NAALADL2: variants seen among roughly 807,000 people sequenced by gnomAD.
The protein encoded by NAALADL2 is inactive N-acetylated-alpha-linked acidic dipeptidase-like protein 2.
A neutral mutation model predicts 87.2 loss-of-function variants in NAALADL2; 76 were observed. The observed-to-expected ratio is 0.87, with a 90% CI of 0.72 to 1.05. The LOEUF (loss-of-function observed/expected upper bound fraction) is 1.05. Among genes scored for constraint, NAALADL2 ranks in the 50% least tolerant of loss-of-function variants. NAALADL2 has a pLI of 0.00. For synonymous variants in NAALADL2, 354 were observed against 331.0 expected, an observed-to-expected ratio of 1.07 and a Z score of -0.75; for missense variants, 1,089 against 945.8, an observed-to-expected ratio of 1.15 and a Z score of -1.99.
At chr3:175,732,668 G>A (rs895932269) in intron 11 of NAALADL2, among the ~76,000 whole-genome samples, 2 of 152,102 alleles carry the variant, frequency 1.3e-5, no homozygotes, top group Non-Finnish European at 2.9e-5. Flanking sequence ...TGCGGGGTAA[G>A]CAAGGGCAGG....
chr3:175,447,357 G>A lies in NAALADL2; in HGVS notation c.1219G>A (p.Glu407Lys). The change falls in exon 6 of 14, where the codon GAG (glutamate) becomes AAG (lysine). Residue 407 changes from glutamate to lysine, a missense_variant. Glu to Lys is a moderately conservative substitution (Grantham distance 56). Transcript: ENST00000454872. ...RTKNEACSSL[E>K]LPNNEIRVVS... Reference sequence around the variant, plus strand: ...CAAAAATGAAGCGTGTAGCTCTCTAGAGCTTCCAAATAATGGTAAAGTATT... The same window carrying A: ...CAAAAATGAAGCGTGTAGCTCTCTAAAGCTTCCAAATAATGGTAAAGTATT... The A allele has an allele frequency of 1.9e-6, 3 of 1,573,168 alleles. No individual in the cohort carries two copies. The highest frequency in any genetic ancestry group is 1.7e-6 in the Non-Finnish European group (2 of 1,162,372).
At chr3:175,442,873 C>T (rs1225484702) in intron 5 of NAALADL2, among the ~76,000 whole-genome samples, 1 of 152,200 alleles carries the variant, frequency 6.6e-6, no homozygotes, top group African/African-American at 2.4e-5. Flanking sequence ...TGTAGTGTCG[C>T]AGTCTTTTTT....
At chr3:175,393,198 C>G (rs562837023) in intron 5 of NAALADL2, among the ~76,000 whole-genome samples, 1 of 138,808 alleles carries the variant, frequency 7.2e-6, no homozygotes, top group Non-Finnish European at 1.5e-5. Context: ...GGCGTGAACC[C>G]GGGAAGCGGA....
chr3:175,328,646 A>G (rs955773446), intron 5 of NAALADL2, among the ~76,000 whole-genome samples: 33 of 152,276 alleles, frequency 2.2e-4, no homozygotes, highest in African/African-American at 7.7e-4. Context: ...CAAAAAATCA[A>G]TTCTCAATCT....
chr3:174,551,591 G>A (rs190589256), intron 2 of NAALADL2, among the ~76,000 whole-genome samples: 1 of 152,262 alleles, frequency 6.6e-6, no homozygotes, highest in Non-Finnish European at 1.5e-5. Context: ...GGCTAAGAGA[G>A]CACATGCTAC....
At chr3:174,907,384 G>C (rs1049725749) in intron 1 of NAALADL2, among the ~76,000 whole-genome samples, 5 of 152,012 alleles carry the variant, frequency 3.3e-5, no homozygotes, top group African/African-American at 1.2e-4. Context: ...AAATTTACTG[G>C]GTGGTTGAAG....
chr3:175,112,530 T>C (rs1724372066), intron 2 of NAALADL2: 1 of 151,688 alleles, frequency 6.6e-6, no homozygotes, highest in Non-Finnish European at 1.5e-5. Flanking sequence ...TGACATTAGC[T>C]AGATAGTTCC....
intron 2 of NAALADL2, among the ~76,000 whole-genome samples, chr3:175,107,092 T>G (rs773346450): frequency 6.6e-6 from 1 of 152,176 alleles, no homozygotes; most frequent in Non-Finnish European, 1.5e-5. Context: ...GTAATTTTAT[T>G]TTTGCAAATT....
At chr3:175,777,338 C>G (rs1750380743) in intron 13 of NAALADL2, among the ~76,000 whole-genome samples, 1 of 151,954 alleles carries the variant, frequency 6.6e-6, no homozygotes, top group Admixed American at 6.6e-5. Flanking sequence ...AAGCTAACCT[C>G]TCTGTGCCCC....
chr3:175,770,622 A>G (rs1430629492), intron 13 of NAALADL2, among the ~76,000 whole-genome samples: 1 of 152,170 alleles, frequency 6.6e-6, no homozygotes, highest in Non-Finnish European at 1.5e-5. Context: ...ATATTTCTGG[A>G]AGGGATAGCC....
intron 11 of NAALADL2, among the ~76,000 whole-genome samples, chr3:175,702,208 G>A (rs565053530): frequency 1.3e-5 from 2 of 152,170 alleles, no homozygotes; most frequent in East Asian, 3.9e-4. Context: ...ATAGAGGTCT[G>A]GAGCCAAAGA....
chr3:174,777,198 A>G (rs1715317607), intron 3 of NAALADL2, among the ~76,000 whole-genome samples: 1 of 152,118 alleles, frequency 6.6e-6, no homozygotes, highest in South Asian at 2.1e-4. Flanking sequence ...TAAAATATAC[A>G]TTAAATCAGC....
chr3:174,620,430 TTTTTG>T (rs1162893572), intron 2 of NAALADL2, among the ~76,000 whole-genome samples: 3 of 66,746 alleles, frequency 4.5e-5, no homozygotes, highest in Non-Finnish European at 1.5e-4. Context: ...TTATGTGTGT[TTTTTG>T]TTTTGTTTTG....
chr3:175,803,278 C>T lies in NAALADL2; in HGVS notation c.*75C>T. ...GCTCTAATTTAACCAGATTTTCTGA[C>T]ATTGAAGGCTTATTTTCCCCAATGG... On this transcript the variant is annotated 3_prime_UTR_variant, in exon 14 of 14. Transcript: ENST00000454872. 2 of 1,049,428 alleles carry T rather than the reference C, an allele frequency of 1.9e-6. No individual in the cohort carries two copies. The highest frequency in any genetic ancestry group is 2.7e-6 in the Non-Finnish European group (2 of 738,156). 65.0% of individuals were successfully genotyped at this position (1,049,428 alleles called of 1,614,324 possible). A position where few individuals can be genotyped will look rare whatever the true frequency, so the allele number is the denominator to read the frequency against.
chr3:174,847,629 A>G (rs1240245840), intron 3 of NAALADL2, among the ~76,000 whole-genome samples: 1 of 152,120 alleles, frequency 6.6e-6, no homozygotes, highest in African/African-American at 2.4e-5. Flanking sequence ...GCCTGACAGT[A>G]TGTTGAAATT....
chr3:174,994,668 T>G (rs1350659391), intron 1 of NAALADL2, among the ~76,000 whole-genome samples: 1 of 149,224 alleles, frequency 6.7e-6, no homozygotes, highest in African/African-American at 2.5e-5. Flanking sequence ...AAGAGAATAG[T>G]AAAAACGACT....
intron 2 of NAALADL2, among the ~76,000 whole-genome samples, chr3:174,591,502 C>A (rs888562086): frequency 1.3e-5 from 2 of 152,116 alleles, no homozygotes; most frequent in African/African-American, 4.8e-5. Context: ...AAGTTGGTAG[C>A]ACGCCTGATG....
At chr3:174,559,322 C>T (rs1713278456) in intron 2 of NAALADL2, among the ~76,000 whole-genome samples, 1 of 152,172 alleles carries the variant, frequency 6.6e-6, no homozygotes, top group Non-Finnish European at 1.5e-5. Context: ...CCCCTACCCC[C>T]ACCATACCAT....
rs377499974 is a variant in NAALADL2, at chr3:175,665,673, C to A, written c.1896+38287C>A. 1.8e-4 allele frequency among the ~76,000 whole-genome samples: 28 copies of A among 152,302 alleles called. No individual in the cohort carries two copies. The East Asian group carries it at 2.7e-3, about 15-fold the overall frequency. On this transcript the variant is annotated intron_variant, in intron 11 of 13. Coordinates refer to ENST00000454872, the MANE Select transcript of NAALADL2 (RefSeq NM_207015.3). ...TTAGGCTGGGCGCGATGGCTCACGC[C>A]TGTAATCCCAGCACTTTGAGGGGCC...
Sources: gnomAD v4.1 joint callset for allele counts (sites outside exome capture counted in the v4.1 genomes callset) on GRCh38, gnomAD v4.1.1 for gene constraint, MANE v1.5 for transcripts, NCBI Gene and HGNC (gene_info 2026-07-23, HGNC 2026-07-21) for gene names.